The following ZFYVE9 variants were observed in gnomAD, a reference collection of about 807,000 sequenced individuals.
ZFYVE9 encodes the protein zinc finger FYVE-type containing 9.
A neutral mutation model predicts 126.7 loss-of-function variants in ZFYVE9; 43 were observed. The ratio of observed to expected loss-of-function variants is 0.34; its 90% CI spans 0.27 to 0.44. The LOEUF (loss-of-function observed/expected upper bound fraction) is 0.44. Among genes scored for constraint, ZFYVE9 ranks in the 20% least tolerant of loss-of-function variants. ZFYVE9 has a pLI of 1.00. For synonymous variants in ZFYVE9, 521 were observed against 597.4 expected (o/e 0.87, Z 1.87); for missense variants, 1,476 against 1,697.0 (o/e 0.87, Z 2.29).
intron 8 of ZFYVE9, among the ~76,000 whole-genome samples, chr1:52,275,407 T>G (rs1342940759): frequency 6.6e-6 from 1 of 152,210 alleles, no homozygotes; most frequent in Admixed American, 6.5e-5. Context: ...ATACACCCAG[T>G]AATGGGATTG....
At chr1:52,165,466 A>G (rs536835116) in intron 1 of ZFYVE9, among the ~76,000 whole-genome samples, 2 of 152,180 alleles carry the variant, frequency 1.3e-5, no homozygotes, top group Non-Finnish European at 2.9e-5. Context: ...GTGTGTATAC[A>G]TGCATGTGTG....
intron 10 of ZFYVE9, among the ~76,000 whole-genome samples, chr1:52,282,460 T>C (rs1455682245): frequency 6.6e-6 from 1 of 152,220 alleles, no homozygotes; most frequent in African/African-American, 2.4e-5. Flanking sequence ...ACTATTCTCG[T>C]TTATTGTAAC....
chr1:52,333,523 A>C (rs1413852730), intron 14 of ZFYVE9, among the ~76,000 whole-genome samples: 1 of 152,154 alleles, frequency 6.6e-6, no homozygotes, highest in East Asian at 1.9e-4. Flanking sequence ...TTTTAACGAG[A>C]TCTCTGTGTG....
chr1:52,238,220 C>G lies in ZFYVE9; in HGVS notation c.803C>G (p.Ser268Ter). 4 of 1,614,046 alleles carry G rather than the reference C, an allele frequency of 2.5e-6. No homozygotes were observed. The highest frequency in any genetic ancestry group is 3.4e-6 in the Non-Finnish European group (4 of 1,179,966). The change falls in exon 4 of 19, where the codon TCA becomes TGA. Residue 268 changes from serine (S) to a stop codon, truncating the protein, a stop_gained. Transcript: ENST00000287727. LOFTEE classifies it high-confidence loss of function. ...GCGATTACAAGTTTAACGGTTGATT[C>G]AGTAATCTCATCCCAGGGAACAGAT... ...MSAITSLTVD[S>*]VISSQGTDGC...
intron 12 of ZFYVE9, among the ~76,000 whole-genome samples, chr1:52,302,496 A>G (rs1301865512): frequency 2.0e-5 from 3 of 152,214 alleles, no homozygotes; most frequent in African/African-American, 7.2e-5. Context: ...CACACTTGTA[A>G]TCCCAGCATT....
intron 1 of ZFYVE9, among the ~76,000 whole-genome samples, chr1:52,198,958 T>C (rs1012540889): frequency 7.9e-5 from 12 of 152,240 alleles, no homozygotes; most frequent in Non-Finnish European, 1.6e-4. Context: ...TTTGGACATA[T>C]GTTTAATGTT....
intron 1 of ZFYVE9, among the ~76,000 whole-genome samples, chr1:52,177,395 G>T (rs575822313): frequency 1.3e-5 from 2 of 152,072 alleles, no homozygotes; most frequent in African/African-American, 2.4e-5. Context: ...TGATCCATCC[G>T]CCTCGCCGCA....
At chr1:52,223,038 A>G (rs1013037427) in intron 2 of ZFYVE9, among the ~76,000 whole-genome samples, 10 of 152,168 alleles carry the variant, frequency 6.6e-5, no homozygotes, top group East Asian at 3.9e-4. Flanking sequence ...GGGAGAAAAC[A>G]TAGGGAAAGC....
chr1:52,237,742 G>A lies in ZFYVE9; in HGVS notation c.325G>A (p.Ala109Thr), dbSNP rs1645286914. The A allele has an allele frequency of 1.2e-6, 2 of 1,614,128 alleles. No individual in the cohort carries two copies. Among genetic ancestry groups the A allele is most frequent in the Non-Finnish European group, 1.7e-6 (2 of 1,179,990 alleles). Residue 109 changes from alanine to threonine, a missense_variant, in exon 4 of 19, where the codon GCT becomes ACT. By Grantham distance (58) the Ala-to-Thr change is moderately conservative (BLOSUM62 0). This residue lies in a region of ZFYVE9 where 807 missense variants were observed against 794.6 expected (regional missense o/e 1.02). Transcript: ENST00000287727. ...EIATMWIDEN[A>T]VAEDQLIKRN... Reference sequence around the variant, plus strand: ...TGCCACAATGTGGATTGATGAAAATGCTGTTGCAGAAGACCAGTTAATTAA... The same window carrying A: ...TGCCACAATGTGGATTGATGAAAATACTGTTGCAGAAGACCAGTTAATTAA...
At chr1:52,172,612 A>C (rs1644584182) in intron 1 of ZFYVE9, among the ~76,000 whole-genome samples, 1 of 152,174 alleles carries the variant, frequency 6.6e-6, no homozygotes, top group Non-Finnish European at 1.5e-5. Flanking sequence ...TTTTCACGGT[A>C]TTGATTGTTC....
chr1:52,185,181 T>C (rs1644753754), intron 1 of ZFYVE9, among the ~76,000 whole-genome samples: 1 of 152,216 alleles, frequency 6.6e-6, no homozygotes, highest in African/African-American at 2.4e-5. Flanking sequence ...TAATACCTAC[T>C]AGTTCAGCTT....
chr1:52,268,554 T>C lies in ZFYVE9; in HGVS notation c.2547T>C (p.Asn849=). 1 of 1,614,150 alleles carries C rather than the reference T, an allele frequency of 6.2e-7. No homozygotes were observed. The highest frequency in any genetic ancestry group is 8.5e-7 in the Non-Finnish European group (1 of 1,180,008). The part of the protein sequence containing the change: ...EVADAAKLTM[N]GTSSAGTLAV... ...CTGATGCAGCCAAATTAACAATGAA[T>C]GGAACTTCCTCTGCAGGAACCCTGG... Residue 849 remains asparagine, a synonymous_variant, in exon 7 of 19, where the codon AAT becomes AAC. Transcript: ENST00000287727.
intron 13 of ZFYVE9, among the ~76,000 whole-genome samples, chr1:52,314,184 T>C (rs1646162009): frequency 6.6e-6 from 1 of 152,176 alleles, no homozygotes; most frequent in Admixed American, 6.5e-5. Flanking sequence ...AATCAAATTG[T>C]ATAAAAATTC....
intron 11 of ZFYVE9, among the ~76,000 whole-genome samples, chr1:52,295,324 C>A (rs556014504): frequency 9.5e-4 from 144 of 151,032 alleles, no homozygotes; most frequent in African/African-American, 3.4e-3. Context: ...GAAGATTGCT[C>A]CCTAAGACCT....
intron 13 of ZFYVE9, among the ~76,000 whole-genome samples, chr1:52,321,020 CA>C (rs1328325943): frequency 2.0e-5 from 3 of 151,926 alleles, no homozygotes; most frequent in Non-Finnish European, 4.4e-5. Flanking sequence ...TACTCAACAC[CA>C]AAAAGATAGG....
intron 4 of ZFYVE9, among the ~76,000 whole-genome samples, chr1:52,250,434 A>G (rs1223301894): frequency 6.6e-6 from 1 of 152,188 alleles, no homozygotes; most frequent in Non-Finnish European, 1.5e-5. Context: ...ATTAGTATGT[A>G]GAAATGCAAT....
intron 1 of ZFYVE9, among the ~76,000 whole-genome samples, chr1:52,167,827 T>C (rs1195066432): frequency 6.6e-6 from 1 of 152,202 alleles, no homozygotes; most frequent in Non-Finnish European, 1.5e-5. Flanking sequence ...CAATGACCTC[T>C]CAGTGTGCAG....
intron 15 of ZFYVE9, among the ~76,000 whole-genome samples, chr1:52,337,176 G>A (rs1646397858): frequency 6.6e-6 from 1 of 152,170 alleles, no homozygotes; most frequent in Non-Finnish European, 1.5e-5. Flanking sequence ...TGCTCAGCAT[G>A]TGACAACTTT....
chr1:52,331,858 A>T (rs1461510448), intron 13 of ZFYVE9, among the ~76,000 whole-genome samples: 4 of 146,862 alleles, frequency 2.7e-5, no homozygotes, highest in Non-Finnish European at 6.0e-5. Context: ...GGCTCACTGC[A>T]AGCTCCGCCT....
Sources: allele counts gnomAD v4.1 joint callset (sites outside exome capture counted in the v4.1 genomes callset), GRCh38; gene constraint gnomAD v4.1.1; regional missense constraint gnomAD v4.1.1; transcripts MANE v1.5; gene names NCBI Gene and HGNC (gene_info 2026-07-23, HGNC 2026-07-21).